FBXO34: variants seen among roughly 807,000 people sequenced by gnomAD.
The protein encoded by FBXO34 is F-box only protein 34.
In FBXO34, 12 loss-of-function variants were observed where a neutral mutation model predicts 24.5. The observed-to-expected ratio is 0.49, with a 90% CI of 0.31 to 0.79. The LOEUF (loss-of-function observed/expected upper bound fraction) is 0.79. FBXO34 is among the 30% of genes least tolerant of loss of function. The pLI, the probability that FBXO34 is intolerant of heterozygous loss-of-function variation, is 0.04. For missense variants in FBXO34, 823 were observed against 857.7 expected (o/e 0.96, Z 0.51); for synonymous variants, 320 against 311.9 (o/e 1.03, Z -0.27).
chr14:55,404,544 T>C, the FBXO34 span, among the ~76,000 whole-genome samples: 1 of 152,184 alleles, frequency 6.6e-6, no homozygotes, highest in African/African-American at 2.4e-5. Flanking sequence ...TGTCTTTTGG[T>C]GTTCAAAAGA....
At chr14:55,423,301 G>A in the FBXO34 span, among the ~76,000 whole-genome samples, 1 of 152,236 alleles carries the variant, frequency 6.6e-6, no homozygotes, top group Non-Finnish European at 1.5e-5. Flanking sequence ...TTAAGACCAT[G>A]TGATACAGAA....
At chr14:55,347,644 C>T (rs1029058845) in intron 1 of FBXO34, among the ~76,000 whole-genome samples, 2 of 152,192 alleles carry the variant, frequency 1.3e-5, no homozygotes, top group Non-Finnish European at 2.9e-5. Flanking sequence ...TCCCTGGGAT[C>T]ACCTCCTATT....
downstream of FBXO34, among the ~76,000 whole-genome samples, chr14:55,363,525 C>T (rs1401522607): frequency 6.6e-6 from 1 of 151,976 alleles, no homozygotes; most frequent in African/African-American, 2.4e-5. Flanking sequence ...ATGTGGTTTT[C>T]ACCATGTTGG....
the FBXO34 span, among the ~76,000 whole-genome samples, chr14:55,433,161 C>T: frequency 6.6e-6 from 1 of 152,054 alleles, no homozygotes; most frequent in African/African-American, 2.4e-5. Context: ...CAGGGTCTTG[C>T]TCTGTAACTC....
the FBXO34 span, among the ~76,000 whole-genome samples, chr14:55,437,366 T>C: frequency 2.6e-5 from 4 of 152,186 alleles, no homozygotes; most frequent in Non-Finnish European, 4.4e-5. Flanking sequence ...TAATCCCAGC[T>C]ACTGGGGAGG....
the FBXO34 span, among the ~76,000 whole-genome samples, chr14:55,437,754 T>C: frequency 6.6e-6 from 1 of 152,188 alleles, no homozygotes; most frequent in Non-Finnish European, 1.5e-5. Context: ...TAAATGTAAA[T>C]AGAATAAATG....
Position 55,299,088 on chromosome 14 carries a change from G to C in FBXO34, c.-11+27551G>C, listed in dbSNP as rs371195803. Reference sequence around the variant, plus strand: ...TGTAGGGTTTGGAGAAAAGTCTGACGAGGATGAGCTCATGGCGGAATTAGA... The same window carrying C: ...TGTAGGGTTTGGAGAAAAGTCTGACCAGGATGAGCTCATGGCGGAATTAGA... On this transcript the variant is annotated intron_variant, in intron 1 of 1. Coordinates refer to ENST00000313833, the MANE Select transcript of FBXO34 (RefSeq NM_017943.4). 1.5e-5 allele frequency: 22 copies of C among 1,431,306 alleles called. 1 individual carries two copies. The African/African-American group carries it at 3.1e-4, about 20-fold the overall frequency. 88.7% of individuals were successfully genotyped at this position (1,431,306 alleles called of 1,614,324 possible). A position where few individuals can be genotyped will look rare whatever the true frequency, so the allele number is the denominator to read the frequency against.
the FBXO34 span, among the ~76,000 whole-genome samples, chr14:55,423,580 ATT>A: frequency 6.6e-6 from 1 of 152,232 alleles, no homozygotes; most frequent in Non-Finnish European, 1.5e-5. Flanking sequence ...CTGCTGCCTG[ATT>A]TTGTTAGCCT....
intron 1 of FBXO34, among the ~76,000 whole-genome samples, chr14:55,273,543 G>A (rs1244490108): frequency 1.3e-5 from 2 of 152,032 alleles, no homozygotes. Context: ...ATTATTTTTC[G>A]TATGTACAAA....
At chr14:55,314,251 G>GA (rs890303485) in intron 1 of FBXO34, among the ~76,000 whole-genome samples, 7 of 149,834 alleles carry the variant, frequency 4.7e-5, no homozygotes, top group African/African-American at 9.8e-5. Context: ...ATAAAGATAT[G>GA]AAAAAAAAAT....
At chr14:55,377,696 C>T in the FBXO34 span, 38 of 595,406 alleles carry the variant, frequency 6.4e-5, no homozygotes, top group Admixed American at 9.9e-5. Flanking sequence ...GTATTGGACT[C>T]CACTATTTTT....
the FBXO34 span, among the ~76,000 whole-genome samples, chr14:55,390,493 C>A: frequency 2.0e-5 from 3 of 152,176 alleles, no homozygotes; most frequent in African/African-American, 7.2e-5. Flanking sequence ...CCTGCCTCAG[C>A]CTCCCAAGTA....
At chr14:55,280,356 TC>T (rs1881490627) in intron 1 of FBXO34, among the ~76,000 whole-genome samples, 1 of 152,104 alleles carries the variant, frequency 6.6e-6, no homozygotes, top group African/African-American at 2.4e-5. Context: ...AAAAATTACA[TC>T]TGTATTGAAC....
chr14:55,303,817 T>C (rs530104136), intron 1 of FBXO34, among the ~76,000 whole-genome samples: 84 of 152,308 alleles, frequency 5.5e-4, no homozygotes, highest in African/African-American at 1.8e-3. Flanking sequence ...CATGTGTATG[T>C]ACCAGGACCA....
the FBXO34 span, among the ~76,000 whole-genome samples, chr14:55,423,564 G>A: frequency 2.0e-5 from 3 of 152,238 alleles, no homozygotes. Context: ...GCTGGCTAAA[G>A]CCATCCTGCT....
chr14:55,356,213 A>G (rs894835473), downstream of FBXO34, among the ~76,000 whole-genome samples: 1 of 152,040 alleles, frequency 6.6e-6, no homozygotes, highest in African/African-American at 2.4e-5. Context: ...GTTCCCAGGT[A>G]TTTTCCATAG....
At chr14:55,406,816 C>T in the FBXO34 span, among the ~76,000 whole-genome samples, 1 of 152,126 alleles carries the variant, frequency 6.6e-6, no homozygotes, top group Admixed American at 6.5e-5. Flanking sequence ...CCTGTTATCC[C>T]TGAACCCTAA....
chr14:55,319,629 G>A (rs989807037), intron 1 of FBXO34, among the ~76,000 whole-genome samples: 9 of 152,172 alleles, frequency 5.9e-5, no homozygotes, highest in African/African-American at 2.2e-4. Context: ...TCATGTGATT[G>A]TATGCACAGG....
chr14:55,282,805 T>G (rs1171764941), intron 1 of FBXO34, among the ~76,000 whole-genome samples: 1 of 152,238 alleles, frequency 6.6e-6, no homozygotes, highest in East Asian at 1.9e-4. Flanking sequence ...GAGTAGTTTA[T>G]TTGAAACTGT....
Sources: allele counts gnomAD v4.1 joint callset (sites outside exome capture counted in the v4.1 genomes callset), GRCh38; gene constraint gnomAD v4.1.1; transcripts MANE v1.5; gene names NCBI Gene and HGNC (gene_info 2026-07-23, HGNC 2026-07-21).